LRRC1: variants seen among roughly 807,000 people sequenced by gnomAD.
LRRC1 encodes the protein leucine rich repeat containing 1, also known as leucine-rich repeat-containing protein 1.
LRRC1 carries 28 observed loss-of-function variants against 69.9 expected under a neutral mutation model. The observed-to-expected ratio is 0.40, with a 90% CI of 0.30 to 0.55. The LOEUF is 0.55. Among genes scored for constraint, LRRC1 ranks in the 20% least tolerant of loss-of-function variants. The probability of loss-of-function intolerance (pLI) is 0.47; values close to 1 mark genes in which losing one functional copy is unlikely to be tolerated. For missense variants in LRRC1, 498 were observed against 609.0 expected, an observed-to-expected ratio of 0.82 and a Z score of 1.92; for synonymous variants, 236 against 240.2, an observed-to-expected ratio of 0.98 and a Z score of 0.16.
At chr6:53,859,666 G>A (rs562752104) in intron 2 of LRRC1, among the ~76,000 whole-genome samples, 30 of 152,262 alleles carry the variant, frequency 2.0e-4, no homozygotes, top group Admixed American at 1.3e-3. Flanking sequence ...AGGCCATTGT[G>A]ACACCAACAT....
At chr6:53,892,948 CT>C (rs1767751887) in intron 4 of LRRC1, among the ~76,000 whole-genome samples, 1 of 152,132 alleles carries the variant, frequency 6.6e-6, no homozygotes, top group Non-Finnish European at 1.5e-5. Flanking sequence ...TAGTCAGAGC[CT>C]TTGTTTGCTT....
intron 2 of LRRC1, among the ~76,000 whole-genome samples, chr6:53,854,692 TA>T (rs1766253761): frequency 6.6e-6 from 1 of 152,256 alleles, no homozygotes; most frequent in Admixed American, 6.5e-5. Flanking sequence ...CTCCCTAGTA[TA>T]AAAACATTTA....
At chr6:53,809,410 G>C (rs1764727213) in intron 1 of LRRC1, among the ~76,000 whole-genome samples, 1 of 152,158 alleles carries the variant, frequency 6.6e-6, no homozygotes, top group South Asian at 2.1e-4. Context: ...GAGGAGGAAG[G>C]GGGCAGTGTT....
chr6:53,828,943 A>G (rs1765347912), intron 1 of LRRC1, among the ~76,000 whole-genome samples: 1 of 152,244 alleles, frequency 6.6e-6, no homozygotes, highest in Non-Finnish European at 1.5e-5. Context: ...ACTTGGATAT[A>G]TAGGAAGATG....
chr6:53,839,111 T>C (rs1342293290), intron 1 of LRRC1, among the ~76,000 whole-genome samples: 1 of 152,118 alleles, frequency 6.6e-6, no homozygotes, highest in East Asian at 1.9e-4. Flanking sequence ...TTTAATAATA[T>C]GCAATCATTT....
At chr6:53,862,690 G>A (rs933668923) in intron 2 of LRRC1, among the ~76,000 whole-genome samples, 2 of 152,218 alleles carry the variant, frequency 1.3e-5, no homozygotes, top group Non-Finnish European at 2.9e-5. Context: ...GACCCATGCC[G>A]CTCAGCCTGT....
intron 1 of LRRC1, among the ~76,000 whole-genome samples, chr6:53,827,128 G>T (rs1386319893): frequency 2.6e-5 from 4 of 152,138 alleles, no homozygotes; most frequent in Non-Finnish European, 5.9e-5. Context: ...CTTAACAGTT[G>T]CCTCAGTAAT....
chr6:53,830,734 A>C (rs1333488829), intron 1 of LRRC1, among the ~76,000 whole-genome samples: 1 of 151,872 alleles, frequency 6.6e-6, no homozygotes. Context: ...TTGGAATGTA[A>C]ACCTATCTGG....
At position 53,874,013 on chromosome 6, in the gene LRRC1, C is replaced by T. The variant is rs892943513; in HGVS notation, c.278-4980C>T. On this transcript the variant is annotated intron_variant, in intron 2 of 13. Coordinates refer to ENST00000370888, the MANE Select transcript of LRRC1 (RefSeq NM_018214.5). ...AGTATTCAGGCTGACCAGCACTTTT[C>T]AGACCATGGCAAGCCAATGGCATGG... is the stretch of plus-strand genomic sequence containing the variant. Among the ~76,000 whole-genome samples, 4 of 152,182 alleles carry T rather than the reference C, an allele frequency of 2.6e-5. 1 individual carries two copies.
At chr6:53,904,278 T>C in intron 9 of LRRC1, 101 bp from the exon 10 acceptor site, 4 of 669,952 alleles carry the variant, frequency 6.0e-6, no homozygotes. Flanking sequence ...CTTCTGTTGC[T>C]GGATGAGATT....
chr6:53,824,145 G>C (rs6905927), intron 1 of LRRC1, among the ~76,000 whole-genome samples: 2 of 150,052 alleles, frequency 1.3e-5, no homozygotes, highest in Non-Finnish European at 3.0e-5. Context: ...TTACAACCTC[G>C]CCAGCAGATG....
At chr6:53,837,398 A>G (rs1366361592) in intron 1 of LRRC1, among the ~76,000 whole-genome samples, 2 of 152,098 alleles carry the variant, frequency 1.3e-5, no homozygotes, top group Non-Finnish European at 2.9e-5. Flanking sequence ...GTTGACCAAA[A>G]AGGCAGTCTA....
chr6:53,815,497 C>G (rs1764926609), intron 1 of LRRC1, among the ~76,000 whole-genome samples: 1 of 152,134 alleles, frequency 6.6e-6, no homozygotes. Context: ...CACATACTTG[C>G]ATATGCACAC....
chr6:53,912,339 G>C (rs1014608540), intron 10 of LRRC1, among the ~76,000 whole-genome samples: 4 of 152,204 alleles, frequency 2.6e-5, no homozygotes, highest in Admixed American at 2.0e-4. Flanking sequence ...ACGATGTTTA[G>C]CTAATTTTGG....
In LRRC1 at chr6:53,842,096, CT is replaced by C. The variant is rs1199517146; in HGVS notation, c.160-10del. ...ACATATGTGAAATCTATGTTAAACT[CT>C]TTTGTCTTTCAGCAATTTTTCCAGC... On this transcript the variant is annotated splice_polypyrimidine_tract_variant and intron_variant, in intron 1 of 13. Transcript: ENST00000370888. The C allele has an allele frequency of 1.3e-6, 2 of 1,531,728 alleles. No homozygotes were observed. The highest frequency in any genetic ancestry group is 1.8e-6 in the Non-Finnish European group (2 of 1,106,176). The allele number at this position is 1,531,728 out of a possible 1,614,324, so 94.9% of individuals were successfully genotyped here.
chr6:53,830,715 G>C (rs774391375), intron 1 of LRRC1, among the ~76,000 whole-genome samples: 15 of 151,924 alleles, frequency 9.9e-5, no homozygotes, highest in Non-Finnish European at 2.1e-4. Flanking sequence ...TACAGGAGCT[G>C]TAAACACTTT....
chr6:53,916,924 T>C (rs1033130997), intron 11 of LRRC1, among the ~76,000 whole-genome samples: 7 of 152,200 alleles, frequency 4.6e-5, no homozygotes, highest in African/African-American at 1.7e-4. Context: ...TCATTTGCTT[T>C]AGTTCTTGTA....
chr6:53,829,430 G>C (rs997789659), intron 1 of LRRC1, among the ~76,000 whole-genome samples: 2 of 152,178 alleles, frequency 1.3e-5, no homozygotes, highest in African/African-American at 4.8e-5. Context: ...TTGAAAACCT[G>C]TCTAGTAATA....
At chr6:53,824,491 A>G (rs948090384) in intron 1 of LRRC1, among the ~76,000 whole-genome samples, 4 of 152,082 alleles carry the variant, frequency 2.6e-5, no homozygotes, top group Non-Finnish European at 5.9e-5. Flanking sequence ...GTTTGGTTTA[A>G]TGAGATCCCA....
Sources: allele counts gnomAD v4.1 joint callset (sites outside exome capture counted in the v4.1 genomes callset), GRCh38; gene constraint gnomAD v4.1.1; transcripts MANE v1.5; gene names NCBI Gene and HGNC (gene_info 2026-07-23, HGNC 2026-07-21).